The following VAT1L variants were observed in gnomAD, a reference collection of about 807,000 sequenced individuals.
VAT1L encodes vesicle amine transport 1 like.
A neutral mutation model predicts 44.1 loss-of-function variants in VAT1L; 34 were observed. The ratio of observed to expected loss-of-function variants is 0.77; its 90% CI spans 0.59 to 1.03. The LOEUF (loss-of-function observed/expected upper bound fraction) is 1.03. Ranked by LOEUF, VAT1L falls within the 50% of genes least tolerant of loss-of-function variation. VAT1L has a pLI of 0.00. For synonymous variants in VAT1L, 253 were observed against 202.2 expected (o/e 1.25, Z -2.13); for missense variants, 615 against 538.8 (o/e 1.14, Z -1.40).
At chr16:77,814,062 G>A (rs772557669) in intron 1 of VAT1L, among the ~76,000 whole-genome samples, 1 of 152,110 alleles carries the variant, frequency 6.6e-6, no homozygotes, top group Non-Finnish European at 1.5e-5. Flanking sequence ...AGTTACTTAC[G>A]CTCTCTGGGT....
In VAT1L at chr16:77,879,206, C is replaced by T. The variant is rs1240868508; in HGVS notation, c.864C>T (p.Phe288=). The T allele has an allele frequency of 1.5e-5, 24 of 1,614,080 alleles. No individual in the cohort carries two copies. The highest frequency in any genetic ancestry group is 4.5e-5 in the East Asian group (2 of 44,890). ...TGGTAACTGGAGAGACCAAGAGCTT[C>T]TTCAGCTTTGCAAAATCAGTAAGTA... ...SNMVTGETKS[F]FSFAKSWWQV... Residue 288 remains phenylalanine (F), a synonymous_variant, in exon 6 of 9, where the codon TTC becomes TTT. Coordinates refer to ENST00000302536, the MANE Select transcript of VAT1L (RefSeq NM_020927.3). The surrounding 1 kb of genome is among the most constrained non-coding windows in gnomAD (Gnocchi z 4.1).
chr16:77,971,053 G>A (rs1328466399), intron 7 of VAT1L, among the ~76,000 whole-genome samples: 1 of 151,654 alleles, frequency 6.6e-6, no homozygotes, highest in African/African-American at 2.4e-5. Flanking sequence ...TTTCCACGCA[G>A]ATTTCATTGA....
intron 7 of VAT1L, among the ~76,000 whole-genome samples, chr16:77,909,201 G>T (rs1320525307): frequency 6.6e-6 from 1 of 152,158 alleles, no homozygotes; most frequent in Non-Finnish European, 1.5e-5. Context: ...TCGCTTGCCT[G>T]AAGTCACACA....
intron 7 of VAT1L, among the ~76,000 whole-genome samples, chr16:77,896,783 G>A (rs1214224318): frequency 6.6e-6 from 1 of 152,190 alleles, no homozygotes; most frequent in Non-Finnish European, 1.5e-5. Flanking sequence ...TTAGGAGTCT[G>A]GGAGCTCAGC....
At chr16:77,925,684 C>T (rs530660626) in intron 7 of VAT1L, among the ~76,000 whole-genome samples, 16 of 152,254 alleles carry the variant, frequency 1.1e-4, no homozygotes, top group African/African-American at 3.8e-4. Context: ...TTCCCTCGTT[C>T]TGCAGATGAC....
chr16:77,888,894 G>T (rs1452622966), intron 7 of VAT1L, among the ~76,000 whole-genome samples: 2 of 152,230 alleles, frequency 1.3e-5, no homozygotes, highest in Non-Finnish European at 2.9e-5. Context: ...GAGAGAGACA[G>T]CTGTAGCCTG....
At chr16:77,919,010 T>C (rs996526126) in intron 7 of VAT1L, among the ~76,000 whole-genome samples, 2 of 152,220 alleles carry the variant, frequency 1.3e-5, no homozygotes, top group African/African-American at 4.8e-5. Flanking sequence ...GTCGTGGCTA[T>C]GTAAACAGTG....
At chr16:77,891,794 C>T (rs560027963) in intron 7 of VAT1L, among the ~76,000 whole-genome samples, 53 of 152,256 alleles carry the variant, frequency 3.5e-4, no homozygotes, top group African/African-American at 1.3e-3. Flanking sequence ...AAGATTAGGC[C>T]GGGCGCGGTG....
At chr16:77,870,940 C>T (rs185010084) in intron 4 of VAT1L, among the ~76,000 whole-genome samples, 3 of 152,264 alleles carry the variant, frequency 2.0e-5, no homozygotes, top group African/African-American at 4.8e-5. Context: ...GTAACTGAGG[C>T]AGGGTCAGTC....
In VAT1L at chr16:77,977,473, C is replaced by T. The variant is rs995753952; in HGVS notation, c.1162-124C>T. ...ATGACAGCTAATCCTGCATTGCCTT[C>T]CAGGGAAACAAGCAACCCTAGTTCC... On this transcript the variant is annotated intron_variant, in intron 8 of 8. Transcript: ENST00000302536. The T allele has an allele frequency of 5.5e-6, 5 of 906,850 alleles. No individual in the cohort carries two copies. The Admixed American group carries it at 9.7e-5, about 18-fold the overall frequency. 56.2% of individuals were successfully genotyped at this position (906,850 alleles called of 1,614,324 possible).
rs1283072301 is a variant in VAT1L, at chr16:77,971,868, C to G, written c.1096C>G (p.Arg366Gly). 2 of 1,613,632 alleles carry G rather than the reference C, an allele frequency of 1.2e-6. No homozygotes were observed. The highest frequency in any genetic ancestry group is 1.3e-5 in the African/African-American group (1 of 75,008). Residue 366 changes from arginine (R) to glycine (G), a missense_variant, in exon 8 of 9, where the codon CGG becomes GGG. Coordinates refer to ENST00000302536, the MANE Select transcript of VAT1L (RefSeq NM_020927.3). ...ALEEVKEAMQ[R>G]IHDRGNIGKL... is the part of the protein sequence containing the mutation. Reference sequence around the variant, plus strand: ...CGCGCAGGTGAAGGAGGCCATGCAGCGGATTCACGACCGAGGGAACATTGG... The same window carrying G: ...CGCGCAGGTGAAGGAGGCCATGCAGGGGATTCACGACCGAGGGAACATTGG...
chr16:77,898,329 G>C (rs142536704), intron 7 of VAT1L, among the ~76,000 whole-genome samples: 79 of 152,218 alleles, frequency 5.2e-4, no homozygotes, highest in African/African-American at 1.8e-3. Flanking sequence ...TGGAAAAGAG[G>C]GGGGGGACAC....
chr16:77,960,856 G>A (rs446695), intron 7 of VAT1L, among the ~76,000 whole-genome samples: 51,581 of 151,568 alleles, frequency 0.34, 8,903 homozygotes, highest in South Asian at 0.45. Context: ...AGAAATGACC[G>A]TGACTACTGC....
intron 7 of VAT1L, among the ~76,000 whole-genome samples, chr16:77,913,432 TGTC>T (rs1303205740): frequency 6.6e-6 from 1 of 152,020 alleles, no homozygotes; most frequent in African/African-American, 2.4e-5. Context: ...AACCCACTCT[TGTC>T]AAAGTCAACA....
At chr16:77,969,229 C>A (rs945164978) in intron 7 of VAT1L, among the ~76,000 whole-genome samples, 1 of 152,206 alleles carries the variant, frequency 6.6e-6, no homozygotes, top group African/African-American at 2.4e-5. Context: ...CATTATCAAT[C>A]TGTTCCCTTA....
chr16:77,950,809 C>T (rs1458308342), intron 7 of VAT1L, among the ~76,000 whole-genome samples: 1 of 152,114 alleles, frequency 6.6e-6, no homozygotes. Flanking sequence ...TACTGGCAAA[C>T]ATAAGGAAAG....
At chr16:77,938,569 A>AC (rs1258168044) in intron 7 of VAT1L, among the ~76,000 whole-genome samples, 2 of 151,642 alleles carry the variant, frequency 1.3e-5, no homozygotes, top group African/African-American at 4.8e-5. Flanking sequence ...AGTGTGTGGC[A>AC]CTTCCCCCCT....
intron 4 of VAT1L, among the ~76,000 whole-genome samples, chr16:77,871,227 C>A (rs2017029109): frequency 6.6e-6 from 1 of 152,106 alleles, no homozygotes; most frequent in Admixed American, 6.5e-5. Context: ...CCTCCCCTAC[C>A]TCCTCCCACC....
chr16:77,901,789 CT>C (rs1490935057), intron 7 of VAT1L, among the ~76,000 whole-genome samples: 3 of 152,178 alleles, frequency 2.0e-5, no homozygotes, highest in Non-Finnish European at 4.4e-5. Context: ...ACCCTCACCC[CT>C]AACCTGAAAT....
Sources: gnomAD v4.1 joint callset for allele counts (sites outside exome capture counted in the v4.1 genomes callset) on GRCh38, gnomAD v4.1.1 for gene constraint, Gnocchi (gnomAD v3.1) non-coding constraint, MANE v1.5 for transcripts, NCBI Gene and HGNC (gene_info 2026-07-23, HGNC 2026-07-21) for gene names.